SSR3: variants seen among roughly 807,000 people sequenced by gnomAD.
SSR3 encodes the protein signal sequence receptor subunit 3.
In SSR3, 10 loss-of-function variants were observed where a neutral mutation model predicts 22.1. The ratio of observed to expected loss-of-function variants is 0.45; its 90% CI spans 0.28 to 0.77. The LOEUF is 0.77. Ranked by LOEUF, SSR3 falls within the 30% of genes least tolerant of loss-of-function variation. SSR3 has a pLI of 0.13. For missense variants in SSR3, 181 were observed against 220.5 expected, an observed-to-expected ratio of 0.82 and a Z score of 1.13; for synonymous variants, 104 against 82.5, an observed-to-expected ratio of 1.26 and a Z score of -1.42.
chr3:156,553,988 A>T (rs1720060164), intron 1 of SSR3: 2 of 417,542 alleles, frequency 4.8e-6, no homozygotes, highest in Non-Finnish European at 8.4e-6. Context: ...TTTGAAAAAC[A>T]TCACCTTCCT....
At chr3:156,554,295 C>T (rs532475731) in intron 1 of SSR3, among the ~76,000 whole-genome samples, 1 of 152,198 alleles carries the variant, frequency 6.6e-6, no homozygotes, top group Non-Finnish European at 1.5e-5. Context: ...AAATGCCCAA[C>T]AACAGTGCAG....
At chr3:156,545,606 G>A (rs1000170005) in intron 3 of SSR3, among the ~76,000 whole-genome samples, 6 of 152,136 alleles carry the variant, frequency 3.9e-5, no homozygotes, top group African/African-American at 1.4e-4. Flanking sequence ...CTAAATGAAG[G>A]CTAATTAACA....
At chr3:156,550,692 AG>A (rs1719919608) in intron 2 of SSR3, among the ~76,000 whole-genome samples, 2 of 152,264 alleles carry the variant, frequency 1.3e-5, no homozygotes, top group African/African-American at 4.8e-5. Flanking sequence ...AAATAAAAAA[AG>A]ACACTACCTG....
In SSR3 at chr3:156,543,289, A is replaced by G; in HGVS notation, c.492-20T>C. 6.2e-7 allele frequency: 1 copy of G among 1,603,716 alleles called. No homozygotes were observed. The highest frequency in any genetic ancestry group is 8.5e-7 in the Non-Finnish European group (1 of 1,171,324). Reference sequence around the variant, plus strand: ...TAGTTCCTGTAAGAAATTTAATGTTATGGAAAAATGAGTAACTCCAAATTG... The same window carrying G: ...TAGTTCCTGTAAGAAATTTAATGTTGTGGAAAAATGAGTAACTCCAAATTG... On this transcript the variant is annotated intron_variant, in intron 4 of 4. Coordinates refer to ENST00000265044, the MANE Select transcript of SSR3 (RefSeq NM_007107.5).
At chr3:156,550,808 T>C (rs563643354) in intron 2 of SSR3, among the ~76,000 whole-genome samples, 23 of 152,354 alleles carry the variant, frequency 1.5e-4, no homozygotes, top group Non-Finnish European at 3.4e-4. Context: ...TCTTCAACCC[T>C]GCACATAAAC....
chr3:156,549,440 C>T (rs183662084), intron 2 of SSR3, among the ~76,000 whole-genome samples: 13 of 152,256 alleles, frequency 8.5e-5, no homozygotes, highest in African/African-American at 2.9e-4. Context: ...TAGGCTTAAA[C>T]GAAGTGGAAA....
At chr3:156,554,648 A>G in intron 1 of SSR3, 1 of 343,964 alleles carries the variant, frequency 2.9e-6, no homozygotes, top group Non-Finnish European at 5.4e-6. Context: ...AGTATGCTTG[A>G]GTTTGTCTGT....
Position 156,554,943 on chromosome 3 carries a change from C to T in SSR3, c.133+14G>A. On this transcript the variant is annotated intron_variant, in intron 1 of 4. Transcript: ENST00000265044. ...CCGGCGGCCTGCCTAACCCGCCTCG[C>T]TCCCAGCACTCACAGATGGGGATGG... 1 of 1,611,740 alleles carries T rather than the reference C, an allele frequency of 6.2e-7. No homozygotes were observed. Among genetic ancestry groups the T allele is most frequent in the South Asian group, 1.1e-5 (1 of 90,800 alleles).
chr3:156,544,615 AT>A (rs1221134890), intron 3 of SSR3, among the ~76,000 whole-genome samples, 176 bp from the exon 4 acceptor site: 4 of 151,920 alleles, frequency 2.6e-5, no homozygotes, highest in African/African-American at 9.7e-5. Context: ...CTGAAAAAAA[AT>A]ATGTCACTCT....
At chr3:156,547,225 A>T (rs1256748288) in intron 3 of SSR3, among the ~76,000 whole-genome samples, 2 of 152,148 alleles carry the variant, frequency 1.3e-5, no homozygotes, top group African/African-American at 2.4e-5. Flanking sequence ...TAATCCAGCA[A>T]ATGGCAAAGG....
rs200698843 is a variant in SSR3 at position 156,555,104 on chromosome 3, C to T, written c.-15G>A. On this transcript the variant is annotated 5_prime_UTR_variant, in exon 1 of 5. Transcript: ENST00000265044. The stretch of plus-strand genomic sequence containing the variant: ...TTAGGAGCCATGGCGGAGCTGCAGG[C>T]GAGAACAGGGAACGTAGAGCCGGCC... 347 of 1,612,080 alleles carry T rather than the reference C, an allele frequency of 2.2e-4. 1 individual carries two copies. The highest frequency in any genetic ancestry group is 1.3e-3 in the Admixed American group (79 of 60,008).
At chr3:156,550,144 A>C (rs1020304332) in intron 2 of SSR3, among the ~76,000 whole-genome samples, 2 of 152,238 alleles carry the variant, frequency 1.3e-5, no homozygotes, top group African/African-American at 4.8e-5. Context: ...AAAAATAAAT[A>C]AATGTGTTTC....
chr3:156,541,760 A>G lies in SSR3; in HGVS notation c.*1443T>C, dbSNP rs1370226527. 6.6e-6 allele frequency: 1 copy of G among 152,128 alleles called. No homozygotes were observed. Among genetic ancestry groups the G allele is most frequent in the Non-Finnish European group, 1.5e-5 (1 of 68,018 alleles). The allele number at this position is 152,128 out of a possible 1,614,324, so 9.4% of individuals were successfully genotyped here. A position where few individuals can be genotyped will look rare whatever the true frequency, so the allele number is the denominator to read the frequency against. On this transcript the variant is annotated 3_prime_UTR_variant, in exon 5 of 5. Transcript: ENST00000265044. ...CCTAGATAATAATGCACCAAAGAAA[A>G]GTAAAGAATTGCAGACTTCTAGAAG...
intron 1 of SSR3, 136 bp downstream of exon 1, chr3:156,554,821 C>A: frequency 8.4e-7 from 1 of 1,196,598 alleles, no homozygotes. Context: ...CGTGCCTCCC[C>A]GAGCTCAGGG....
chr3:156,554,656 T>C, intron 1 of SSR3: 1 of 355,862 alleles, frequency 2.8e-6, no homozygotes, highest in Non-Finnish European at 5.2e-6. Context: ...TGAGTTTGTC[T>C]GTTTAAATAG....
intron 2 of SSR3, among the ~76,000 whole-genome samples, chr3:156,549,510 TG>T (rs1169086198): frequency 6.6e-6 from 1 of 152,218 alleles, no homozygotes; most frequent in African/African-American, 2.4e-5. Context: ...CAATTTAAGC[TG>T]GGTGTGATGG....
chr3:156,553,449 T>C (rs1720033774), intron 2 of SSR3, among the ~76,000 whole-genome samples: 1 of 152,182 alleles, frequency 6.6e-6, no homozygotes, highest in Non-Finnish European at 1.5e-5. Context: ...AAAATCTGCT[T>C]CTGTAGCCGT....
chr3:156,544,101 A>G (rs894927550), intron 4 of SSR3: 26 of 428,734 alleles, frequency 6.1e-5, no homozygotes, highest in Admixed American at 3.4e-4. Flanking sequence ...ATACTTTATC[A>G]TACAGTCATA....
chr3:156,554,762 C>T, intron 1 of SSR3, 195 bp downstream of exon 1: 2 of 677,756 alleles, frequency 3.0e-6, no homozygotes, highest in East Asian at 2.8e-5. Flanking sequence ...TCCCCGAGTG[C>T]TGCACAGGAC....
Sources: allele counts gnomAD v4.1 joint callset (sites outside exome capture counted in the v4.1 genomes callset), GRCh38; gene constraint gnomAD v4.1.1; transcripts MANE v1.5; gene names NCBI Gene and HGNC (gene_info 2026-07-23, HGNC 2026-07-21).